CCT2: variants seen among roughly 807,000 people sequenced by gnomAD.
CCT2 encodes the protein chaperonin containing TCP1 subunit 2, also known as T-complex protein 1 subunit beta.
Under a neutral mutation model 61.8 loss-of-function variants are expected in CCT2, and 18 were observed. That is an observed-to-expected ratio of 0.29 (90% CI 0.20 to 0.43). CCT2 has a LOEUF of 0.43. CCT2 is among the 20% of genes least tolerant of loss of function. CCT2 has a pLI of 1.00. For missense variants in CCT2, 556 were observed against 656.9 expected (o/e 0.85, Z 1.68); for synonymous variants, 248 against 215.9 (o/e 1.15, Z -1.30).
intron 3 of CCT2, chr12:69,587,020 C>G (rs929874328): frequency 2.2e-6 from 1 of 447,704 alleles, no homozygotes; most frequent in African/African-American, 2.0e-5. Context: ...GTACTGTTAT[C>G]ATTTGCACGT....
At chr12:69,589,715 C>T (rs762742819) in intron 7 of CCT2, 28 bp downstream of exon 7, 31 of 1,557,290 alleles carry the variant, frequency 2.0e-5, no homozygotes, top group Admixed American at 1.0e-4. Flanking sequence ...ATACAAGAAG[C>T]TTTGATTAGA....
chr12:69,599,996 G>A lies in CCT2; in HGVS notation c.1569G>A (p.Ala523=), dbSNP rs61754224. Residue 523 remains alanine, a synonymous_variant, in exon 15 of 16, where the codon GCG becomes GCA. Transcript: ENST00000299300. ...TGCGTGTGGACAACATCATCAAAGC[G>A]GCACCCAGGTACCCTAACACTTTTC... ...VILRVDNIIK[A]APRKRVPDHH... is the part of the protein sequence containing the mutation. 450 of 1,610,764 alleles carry A rather than the reference G, an allele frequency of 2.8e-4. 1 individual carries two copies. Among genetic ancestry groups the A allele is most frequent in the Admixed American group, 5.5e-4 (33 of 59,498 alleles).
intron 12 of CCT2, 58 bp from the exon 13 acceptor site, chr12:69,597,910 T>C: frequency 1.4e-6 from 2 of 1,474,450 alleles, no homozygotes; most frequent in East Asian, 2.3e-5. Flanking sequence ...AAGTCAGTAA[T>C]TCAGTATCTT....
rs1374136585 is a variant in CCT2, at chr12:69,599,868, A to T, written c.1441A>T (p.Arg481Trp). ...AAATTTGTTTTTCTTTGCAGATATG[A>T]GGGAAGGCACCATTGGAGATATGGC... ...EGNTTAGLDM[R>W]EGTIGDMAIL... The change falls in exon 15 of 16, where the codon AGG becomes TGG. Residue 481 changes from arginine (R) to tryptophan (W), a missense_variant. This residue lies in a region of CCT2 where 225 missense variants were observed against 249.8 expected (regional missense o/e 0.90). Transcript: ENST00000299300. 5 of 1,607,870 alleles carry T rather than the reference A, an allele frequency of 3.1e-6. No individual in the cohort carries two copies. The Admixed American group carries it at 6.8e-5, about 22-fold the overall frequency.
At chr12:69,589,766 A>G in intron 7 of CCT2, 79 bp downstream of exon 7, 1 of 1,147,824 alleles carries the variant, frequency 8.7e-7, no homozygotes. Context: ...TTTTGAGACC[A>G]GTGACCCTTT....
chr12:69,586,745 T>C lies in CCT2; in HGVS notation c.79-8T>C, dbSNP rs757893163. 1 of 1,586,978 alleles carries C rather than the reference T, an allele frequency of 6.3e-7. No homozygotes were observed. Among genetic ancestry groups the C allele is most frequent in the Non-Finnish European group, 8.6e-7 (1 of 1,166,984 alleles). On this transcript the variant is annotated splice_polypyrimidine_tract_variant and splice_region_variant and intron_variant, in intron 2 of 15. Coordinates refer to ENST00000299300, the MANE Select transcript of CCT2 (RefSeq NM_006431.3). Reference sequence around the variant, plus strand: ...TGATTCTGATAATCTCCTTGGTTTTTACTCCAGACTTCTTTTATTGGTGCC... The same window carrying C: ...TGATTCTGATAATCTCCTTGGTTTTCACTCCAGACTTCTTTTATTGGTGCC...
chr12:69,598,097 G>T, intron 13 of CCT2, 26 bp downstream of exon 13: 1 of 1,518,740 alleles, frequency 6.6e-7, no homozygotes, highest in South Asian at 1.1e-5. Flanking sequence ...TGAGAGATCC[G>T]AACTTAAGTT....
Position 69,600,033 on chromosome 12 carries a change from TACTA to T in CCT2, c.1577+32_1577+35del, listed in dbSNP as rs566110088. On this transcript the variant is annotated intron_variant, in intron 15 of 15. Coordinates refer to ENST00000299300, the MANE Select transcript of CCT2 (RefSeq NM_006431.3). Reference sequence around the variant, plus strand: ...CCCTAACACTTTTCTCAGAAAAAATTACTAACAGCAAAACAAAATAGGGAGCTGT... The same window carrying T: ...CCCTAACACTTTTCTCAGAAAAAATTACAGCAAAACAAAATAGGGAGCTGT... 898 of 1,578,226 alleles carry T rather than the reference TACTA, an allele frequency of 5.7e-4. 11 individuals carry two copies. In the South Asian group the frequency reaches 9.5e-3, roughly 17 times the overall value.
chr12:69,600,971 A>T (rs1882130549), intron 15 of CCT2, among the ~76,000 whole-genome samples: 1 of 152,190 alleles, frequency 6.6e-6, no homozygotes, highest in Admixed American at 6.5e-5. Context: ...AACAGTCCTG[A>T]TGTGGTGCAG....
At chr12:69,598,553 A>G (rs1882059896) in intron 14 of CCT2, 132 bp downstream of exon 14, 5 of 479,620 alleles carry the variant, frequency 1.0e-5, no homozygotes, top group Non-Finnish European at 1.5e-5. Flanking sequence ...CCTCATAATC[A>G]TTACATGTGC....
intron 8 of CCT2, 98 bp from the exon 9 acceptor site, chr12:69,592,878 A>G: frequency 8.8e-7 from 1 of 1,140,626 alleles, no homozygotes; most frequent in Non-Finnish European, 1.2e-6. Flanking sequence ...CAGTGAGCCG[A>G]GATTGCCCCA....
intron 2 of CCT2, 90 bp from the exon 3 acceptor site, chr12:69,586,663 G>C: frequency 1.1e-6 from 1 of 922,232 alleles, no homozygotes; most frequent in Non-Finnish European, 1.7e-6. Flanking sequence ...GCGACACTCT[G>C]CCTCAAAAAA....
chr12:69,599,502 C>G (rs1593102282), intron 14 of CCT2, among the ~76,000 whole-genome samples: 2 of 152,172 alleles, frequency 1.3e-5, no homozygotes, highest in African/African-American at 4.8e-5. Flanking sequence ...ATTATCCTGC[C>G]TCAGCCTCCT....
In CCT2 at chr12:69,597,647, G is replaced by T. The variant is rs1178194959; in HGVS notation, c.1112G>T (p.Cys371Phe). Residue 371 changes from cysteine to phenylalanine, a missense_variant, in exon 12 of 16, where the codon TGT becomes TTT. Physicochemically the swap from Cys to Phe is radical, Grantham distance 205 (BLOSUM62 -2). Coordinates refer to ENST00000299300, the MANE Select transcript of CCT2 (RefSeq NM_006431.3). The part of the protein sequence containing the change: ...HFSGVALGEA[C>F]TIVLRGATQQ... Reference sequence around the variant, plus strand: ...TGTCTTTTAATTTTAGGTGAGGCTTGTACCATTGTTTTGCGTGGTGCCACT... The same window carrying T: ...TGTCTTTTAATTTTAGGTGAGGCTTTTACCATTGTTTTGCGTGGTGCCACT... The T allele has an allele frequency of 6.2e-7, 1 of 1,613,514 alleles. No homozygotes were observed. The highest frequency in any genetic ancestry group is 8.5e-7 in the Non-Finnish European group (1 of 1,179,860).
At chr12:69,598,114 T>G (rs1233847817) in intron 13 of CCT2, 43 bp downstream of exon 13, 1 of 1,402,458 alleles carries the variant, frequency 7.1e-7, no homozygotes, top group Non-Finnish European at 1.0e-6. Flanking sequence ...AGTTTTGTGG[T>G]TATTGATAGT....
chr12:69,594,846 T>A (rs77304224), intron 10 of CCT2, among the ~76,000 whole-genome samples: 16 of 140,226 alleles, frequency 1.1e-4, no homozygotes, highest in African/African-American at 2.1e-4. Flanking sequence ...ACCCTGTCTT[T>A]AAAAAAAAAA....
intron 1 of CCT2, 157 bp from the exon 2 acceptor site, chr12:69,586,113 A>G: frequency 1.7e-6 from 2 of 1,157,708 alleles, no homozygotes; most frequent in Non-Finnish European, 2.4e-6. Flanking sequence ...TCCCACTTAA[A>G]TGCTTTCTCC....
At chr12:69,595,242 T>C (rs1881952803) in intron 10 of CCT2, among the ~76,000 whole-genome samples, 1 of 152,252 alleles carries the variant, frequency 6.6e-6, no homozygotes, top group South Asian at 2.1e-4. Context: ...AGTCGTCTTC[T>C]AACCAAGAGA....
rs762591851 is a variant in CCT2 at position 69,598,403 on chromosome 12, A to G, written c.1417A>G (p.Asn473Asp). Residue 473 changes from asparagine to aspartate, a missense_variant, in exon 14 of 16, where the codon AAT (asparagine) becomes GAT (aspartate). Asn to Asp is a conservative substitution (Grantham distance 23, BLOSUM62 1). Transcript: ENST00000299300. ...AQLRAAHSEGNTTAGLDMREG... is the reference protein window; with the variant it reads ...AQLRAAHSEGDTTAGLDMREG... Reference sequence around the variant, plus strand: ...GCTCAGGGCTGCTCACAGTGAAGGCAATACCACTGCTGGATTGGGTAAGCA... The same window carrying G: ...GCTCAGGGCTGCTCACAGTGAAGGCGATACCACTGCTGGATTGGGTAAGCA... The G allele has an allele frequency of 2.5e-6, 4 of 1,595,998 alleles. No individual in the cohort carries two copies. The highest frequency in any genetic ancestry group is 2.3e-5 in the South Asian group (2 of 87,364).
Sources: allele counts gnomAD v4.1 joint callset (sites outside exome capture counted in the v4.1 genomes callset), GRCh38; gene constraint gnomAD v4.1.1; regional missense constraint gnomAD v4.1.1; transcripts MANE v1.5; gene names NCBI Gene and HGNC (gene_info 2026-07-23, HGNC 2026-07-21).